Variants in SCUBE3 observed in about 807,000 individuals in gnomAD.
SCUBE3 encodes the protein signal peptide, CUB domain and EGF like domain containing 3.
A neutral mutation model predicts 116.8 loss-of-function variants in SCUBE3; 33 were observed. The ratio of observed to expected loss-of-function variants is 0.28; its 90% CI spans 0.21 to 0.38. The LOEUF (loss-of-function observed/expected upper bound fraction) is 0.38, where lower values mean the gene tolerates loss of function less well. Ranked by LOEUF, SCUBE3 falls within the 10% of genes least tolerant of loss-of-function variation. The pLI is 1.00. For missense variants in SCUBE3, 1,007 were observed against 1,324.8 expected (o/e 0.76, Z 3.72); for synonymous variants, 418 against 496.9 (o/e 0.84, Z 2.11).
rs767422370 is a variant in SCUBE3, at chr6:35,245,404, G to A, written c.2578G>A (p.Val860Ile). ...GCCATCTGAGGATGAGTGTGGGGACGTCCTCGTCATGAGAAAGAACTGTGG... is the reference window on the plus strand; with the variant it reads ...GCCATCTGAGGATGAGTGTGGGGACATCCTCGTCATGAGAAAGAACTGTGG... ...FLPSEDECGD[V>I]LVMRKNSSPS... Residue 860 changes from valine (V) to isoleucine (I), a missense_variant, in exon 19 of 22, where the codon GTC (valine) becomes ATC (isoleucine). Physicochemically the swap from Val to Ile is conservative, Grantham distance 29. Around this residue, in one of 5 missense-constraint regions of SCUBE3, gnomAD observed 118 missense variants for 196.6 expected, o/e 0.60. Transcript: ENST00000274938. This position sits in a 1 kb window ranked among gnomAD's most constrained non-coding sequence, Gnocchi z 4.2. 13 of 1,614,050 alleles carry A rather than the reference G, an allele frequency of 8.1e-6. No individual in the cohort carries two copies. Among genetic ancestry groups the A allele is most frequent in the Admixed American group, 1.7e-5 (1 of 60,020 alleles).
rs374414564 is a variant in SCUBE3, at chr6:35,243,646, A to G, written c.1962A>G (p.Pro654=). Residue 654 remains proline, a synonymous_variant, in exon 16 of 22, where the codon CCA becomes CCG. Coordinates refer to ENST00000274938, the MANE Select transcript of SCUBE3 (RefSeq NM_152753.4). This position sits in a 1 kb window ranked among gnomAD's most constrained non-coding sequence, Gnocchi z 6.6. ...YYHGQTEQCV[P]CPAGTFQERE... The stretch of plus-strand genomic sequence containing the variant: ...ACGGCCAGACGGAGCAGTGTGTGCC[A>G]TGCCCAGCGGGCACCTTCCAGGAGA... The G allele has an allele frequency of 3.7e-6, 6 of 1,614,084 alleles. No individual in the cohort carries two copies. The highest frequency in any genetic ancestry group is 2.7e-5 in the African/African-American group (2 of 75,056).
In SCUBE3 at chr6:35,231,624, G is replaced by A; in HGVS notation, c.335-101G>A. The stretch of plus-strand genomic sequence containing the variant: ...CTTCCTGGCTTAAGGCTGGGCTTAG[G>A]GGGTAGTAGTTCTTAAGACTGCCTT... On this transcript the variant is annotated intron_variant, in intron 3 of 21. Coordinates refer to ENST00000274938, the MANE Select transcript of SCUBE3 (RefSeq NM_152753.4). The surrounding 1 kb of genome is among the most constrained non-coding windows in gnomAD (Gnocchi z 4.2). 5.0e-6 allele frequency: 5 copies of A among 1,006,928 alleles called. No individual in the cohort carries two copies. The highest frequency in any genetic ancestry group is 1.6e-5 in the African/African-American group (1 of 61,788). 62.4% of individuals were successfully genotyped at this position (1,006,928 alleles called of 1,614,324 possible).
chr6:35,242,373 T>C, intron 13 of SCUBE3, 53 bp downstream of exon 13: 1 of 1,273,872 alleles, frequency 7.9e-7, no homozygotes, highest in East Asian at 2.3e-5. Flanking sequence ...AAATCCTCCT[T>C]ACCCCTCAGC....
At position 35,228,640 on chromosome 6, in the gene SCUBE3, A is replaced by G. The variant is rs773748494; in HGVS notation, c.235A>G (p.Asn79Asp). The change falls in exon 3 of 22, where the codon AAT becomes GAT. Residue 79 changes from asparagine (N) to aspartate (D), a missense_variant. Around this residue, in one of 5 missense-constraint regions of SCUBE3, gnomAD observed 37 missense variants for 80.6 expected, o/e 0.46. Coordinates refer to ENST00000274938, the MANE Select transcript of SCUBE3 (RefSeq NM_152753.4). The surrounding 1 kb of genome is among the most constrained non-coding windows in gnomAD (Gnocchi z 4.9). ...KDVDECEREDNAGCVHDCVNI... is the reference protein window; with the variant it reads ...KDVDECEREDDAGCVHDCVNI... The stretch of plus-strand genomic sequence containing the variant: ...CGTGGATGAGTGCGAGCGAGAGGAT[A>G]ATGCAGGTTGTGTGCATGACTGTGT... 2.5e-5 allele frequency: 40 copies of G among 1,613,978 alleles called. No homozygotes were observed. Among genetic ancestry groups the G allele is most frequent in the Non-Finnish European group, 3.3e-5 (39 of 1,179,970 alleles).
chr6:35,242,671 T>C lies in SCUBE3; in HGVS notation c.1584T>C (p.Cys528=). The stretch of plus-strand genomic sequence containing the variant: ...AGGTCACCTTCATCCACCTTAAGTG[T>C]GACTCCTCTCGGAAGGGCAAGGGCC... ...ECQVTFIHLK[C]DSSRKGKGRR... The change falls in exon 14 of 22, where the codon TGT becomes TGC. Residue 528 remains cysteine (C), a synonymous_variant. Transcript: ENST00000274938. The C allele has an allele frequency of 6.2e-7, 1 of 1,614,076 alleles. No individual in the cohort carries two copies. The highest frequency in any genetic ancestry group is 8.5e-7 in the Non-Finnish European group (1 of 1,179,962).
Position 35,243,340 on chromosome 6 carries a change from G to A in SCUBE3, c.1909+104G>A. On this transcript the variant is annotated intron_variant, in intron 15 of 21. Coordinates refer to ENST00000274938, the MANE Select transcript of SCUBE3 (RefSeq NM_152753.4). This position sits in a 1 kb window ranked among gnomAD's most constrained non-coding sequence, Gnocchi z 6.6. Reference sequence around the variant, plus strand: ...TCAGATGCATTTCTCAAATTATGAGGCAGCCAGGATGCTCCTGCCCGCTGT... The same window carrying A: ...TCAGATGCATTTCTCAAATTATGAGACAGCCAGGATGCTCCTGCCCGCTGT... The A allele has an allele frequency of 9.4e-7, 1 of 1,060,994 alleles. No individual in the cohort carries two copies. The highest frequency in any genetic ancestry group is 1.4e-6 in the Non-Finnish European group (1 of 717,362). 65.7% of individuals were successfully genotyped at this position (1,060,994 alleles called of 1,614,324 possible). A position where few individuals can be genotyped will look rare whatever the true frequency, so the allele number is the denominator to read the frequency against.
At chr6:35,224,006 TGAG>T (rs1442922742) in intron 1 of SCUBE3, 4 of 152,092 alleles carry the variant, frequency 2.6e-5, no homozygotes, top group Non-Finnish European at 5.9e-5. Flanking sequence ...GTAAATGAAC[TGAG>T]GAGAACAGTC....
intron 2 of SCUBE3, 59 bp downstream of exon 2, chr6:35,227,761 A>G: frequency 6.3e-7 from 1 of 1,590,292 alleles, no homozygotes; most frequent in Non-Finnish European, 8.6e-7. Context: ...AACCAGTGCC[A>G]CTGCCCTCAG....
Position 35,214,536 on chromosome 6 carries a change from GT to G in SCUBE3, c.85+34del. On this transcript the variant is annotated intron_variant, in intron 1 of 21. Transcript: ENST00000274938. This position sits in a 1 kb window ranked among gnomAD's most constrained non-coding sequence, Gnocchi z 6.3. The stretch of plus-strand genomic sequence containing the variant: ...AGGAGGGGCGCGCGGCCTGGGGGCT[GT>G]CCTGGCTGCTGGGCCTCAGGGCCTA... The G allele has an allele frequency of 7.3e-7, 1 of 1,374,272 alleles. No homozygotes were observed. The highest frequency in any genetic ancestry group is 9.6e-7 in the Non-Finnish European group (1 of 1,038,428). 85.1% of individuals were successfully genotyped at this position (1,374,272 alleles called of 1,614,324 possible).
rs1354055973 is a variant in SCUBE3, at chr6:35,219,500, G to A, written c.85+4997G>A. On this transcript the variant is annotated intron_variant, in intron 1 of 21. Coordinates refer to ENST00000274938, the MANE Select transcript of SCUBE3 (RefSeq NM_152753.4). This position sits in a 1 kb window ranked among gnomAD's most constrained non-coding sequence, Gnocchi z 4.7. ...GCTCTTACCTCTGGTTTTCCCTGTG[G>A]TTATAACCATAGCCCTAGAGAGCTG... is the stretch of plus-strand genomic sequence containing the variant. Among the ~76,000 whole-genome samples, 1 of 152,140 alleles carries A rather than the reference G, an allele frequency of 6.6e-6. No homozygotes were observed.
Position 35,233,504 on chromosome 6 carries a change from C to T in SCUBE3, c.712+203C>T, listed in dbSNP as rs946636926. Among the ~76,000 whole-genome samples the T allele has an allele frequency of 6.6e-6, 1 of 152,208 alleles. No individual in the cohort carries two copies. Among genetic ancestry groups the T allele is most frequent in the African/African-American group, 2.4e-5 (1 of 41,446 alleles). ...AAGGGCTCCCCAGCCCTCTTCCCCT[C>T]CCCATCCCAGTGGTTTTACCACCCT... On this transcript the variant is annotated intron_variant, in intron 6 of 21. Transcript: ENST00000274938. The surrounding 1 kb of genome is among the most constrained non-coding windows in gnomAD (Gnocchi z 5.7).
intron 13 of SCUBE3, 136 bp downstream of exon 13, chr6:35,242,456 G>A (rs1784114846): frequency 1.1e-6 from 1 of 903,816 alleles, no homozygotes; most frequent in Admixed American, 2.0e-5. Context: ...TGTAGGCATA[G>A]CACCCAAGGA....
At chr6:35,242,920 C>T (rs1377913700) in intron 14 of SCUBE3, 101 bp from the exon 15 acceptor site, 10 of 1,482,326 alleles carry the variant, frequency 6.7e-6, no homozygotes, top group Non-Finnish European at 8.5e-6. Context: ...AAAAGCTAGT[C>T]CCTCTTACCA....
Position 35,242,696 on chromosome 6 carries a change from C to G in SCUBE3, c.1609C>G (p.Arg537Gly). 3 of 1,614,128 alleles carry G rather than the reference C, an allele frequency of 1.9e-6. No individual in the cohort carries two copies. Among genetic ancestry groups the G allele is most frequent in the Non-Finnish European group, 2.5e-6 (3 of 1,179,982 alleles). The part of the protein sequence containing the change: ...KCDSSRKGKG[R>G]RARTPPGKEV... ...TGACTCCTCTCGGAAGGGCAAGGGCCGACGGGCCCGGACCCCTCCAGGCAA... is the reference window on the plus strand; with the variant it reads ...TGACTCCTCTCGGAAGGGCAAGGGCGGACGGGCCCGGACCCCTCCAGGCAA... The change falls in exon 14 of 22, where the codon CGA becomes GGA. Residue 537 changes from arginine to glycine, a missense_variant. Physicochemically the swap from Arg to Gly is moderately radical, Grantham distance 125. Coordinates refer to ENST00000274938, the MANE Select transcript of SCUBE3 (RefSeq NM_152753.4).
chr6:35,242,587 G>C lies in SCUBE3; in HGVS notation c.1535-35G>C, dbSNP rs759807097. 8.2e-6 allele frequency: 13 copies of C among 1,588,680 alleles called. No individual in the cohort carries two copies. In the Admixed American group the frequency reaches 2.0e-4, roughly 25 times the overall value. ...GGGCTGGGAGTGAGAACTTTCCAGG[G>C]GATGTCCCTGGGGTTGACAAGCCCT... is the stretch of plus-strand genomic sequence containing the variant. On this transcript the variant is annotated intron_variant, in intron 13 of 21. Transcript: ENST00000274938.
Position 35,232,829 on chromosome 6 carries a change from C to T in SCUBE3, c.470-21C>T. On this transcript the variant is annotated intron_variant, in intron 4 of 21. Coordinates refer to ENST00000274938, the MANE Select transcript of SCUBE3 (RefSeq NM_152753.4). The surrounding 1 kb of genome is among the most constrained non-coding windows in gnomAD (Gnocchi z 4.2). Reference sequence around the variant, plus strand: ...GACATCCAGGGGTACAGAGCATTCACACCCCTTTCTTCTCTTTTAGAAGGA... The same window carrying T: ...GACATCCAGGGGTACAGAGCATTCATACCCCTTTCTTCTCTTTTAGAAGGA... 1.2e-6 allele frequency: 2 copies of T among 1,613,280 alleles called. No homozygotes were observed. Among genetic ancestry groups the T allele is most frequent in the East Asian group, 2.2e-5 (1 of 44,880 alleles).
In SCUBE3 at chr6:35,250,229, C is replaced by T. The variant is rs1383489233; in HGVS notation, c.*1524C>T. 1 of 152,258 alleles carries T rather than the reference C, an allele frequency of 6.6e-6. No individual in the cohort carries two copies. The highest frequency in any genetic ancestry group is 1.5e-5 in the Non-Finnish European group (1 of 68,058). The allele number at this position is 152,258 out of a possible 1,614,324, so 9.4% of individuals were successfully genotyped here. On this transcript the variant is annotated 3_prime_UTR_variant, in exon 22 of 22. Coordinates refer to ENST00000274938, the MANE Select transcript of SCUBE3 (RefSeq NM_152753.4). ...CTAAACCAATCTTGCTATCCCTATG[C>T]CTCTCCATGGAGTCAGTGTGGACCT...
Position 35,246,239 on chromosome 6 carries a change from G to A in SCUBE3, c.2786G>A (p.Arg929Gln), listed in dbSNP as rs1337225395. The change falls in exon 21 of 22, where the codon CGA becomes CAA. Residue 929 changes from arginine (R) to glutamine (Q), a missense_variant. Physicochemically the swap from Arg to Gln is conservative, Grantham distance 43. This residue lies in a region of SCUBE3 where 118 missense variants were observed against 196.6 expected (regional missense o/e 0.60). Transcript: ENST00000274938. ...DYEQLVEDIV[R>Q]DGRLYASENH... ...GAGCAGCTGGTAGAAGACATTGTGC[G>A]AGATGGCCGGCTCTATGCCTCTGAA... The A allele has an allele frequency of 8.1e-6, 13 of 1,614,032 alleles. No homozygotes were observed. Among genetic ancestry groups the A allele is most frequent in the Admixed American group, 1.7e-5 (1 of 60,008 alleles).
In SCUBE3 at chr6:35,241,439, C is replaced by T; in HGVS notation, c.1196-104C>T. Reference sequence around the variant, plus strand: ...TGTAGTAAACAATCCCATCATCAGTCTCCATGGGTACAACAATAGTTATGC... The same window carrying T: ...TGTAGTAAACAATCCCATCATCAGTTTCCATGGGTACAACAATAGTTATGC... On this transcript the variant is annotated intron_variant, in intron 10 of 21. Transcript: ENST00000274938. This position sits in a 1 kb window ranked among gnomAD's most constrained non-coding sequence, Gnocchi z 4.1. 9.0e-7 allele frequency: 1 copy of T among 1,106,806 alleles called. No homozygotes were observed. The allele number at this position is 1,106,806 out of a possible 1,614,324, so 68.6% of individuals were successfully genotyped here. A position where few individuals can be genotyped will look rare whatever the true frequency, so the allele number is the denominator to read the frequency against.
Sources: gnomAD v4.1 joint callset for allele counts (sites outside exome capture counted in the v4.1 genomes callset) on GRCh38, gnomAD v4.1.1 for gene constraint, gnomAD v4.1.1 regional missense constraint, Gnocchi (gnomAD v3.1) non-coding constraint, MANE v1.5 for transcripts, NCBI Gene and HGNC (gene_info 2026-07-23, HGNC 2026-07-21) for gene names.